SLC35H1: variants seen among roughly 807,000 people sequenced by gnomAD.
SLC35H1 encodes the protein ovarian cancer-overexpressed gene 1 protein.
At chr20:46,364,228 A>G in the SLC35H1 span, 1 of 152,266 alleles carries the variant, frequency 6.6e-6, no homozygotes, top group South Asian at 2.1e-4. Context: ...AGACGGCGAA[A>G]CTGAGGCCCG....
the SLC35H1 span, among the ~76,000 whole-genome samples, chr20:46,355,578 C>T: frequency 6.6e-6 from 1 of 152,176 alleles, no homozygotes; most frequent in Non-Finnish European, 1.5e-5. This position sits in a 1 kb window ranked among gnomAD's most constrained non-coding sequence, Gnocchi z 4.8. Context: ...TGCTGGGACC[C>T]TCATCCTGCA....
chr20:46,356,582 G>A, the SLC35H1 span: 14 of 1,614,078 alleles, frequency 8.7e-6, no homozygotes, highest in East Asian at 4.5e-5. Context: ...ACAGCGAGAC[G>A]GTGACATACA....
At chr20:46,350,898 C>A in the SLC35H1 span, 1 of 1,613,572 alleles carries the variant, frequency 6.2e-7, no homozygotes, top group Non-Finnish European at 8.5e-7. Flanking sequence ...TTCCTGGGGG[C>A]AGAGAAGCAG....
chr20:46,358,831 T>C, the SLC35H1 span: 2 of 1,034,324 alleles, frequency 1.9e-6, no homozygotes, highest in African/African-American at 1.6e-5. Context: ...CATGGGTGCC[T>C]CTGAAGGCTG....
At chr20:46,359,025 T>C in the SLC35H1 span, 1 of 486,548 alleles carries the variant, frequency 2.1e-6, no homozygotes, top group Non-Finnish European at 3.8e-6. Context: ...CCAGTGCTTT[T>C]CTGATAAAGA....
At chr20:46,363,296 T>A in the SLC35H1 span, 1 of 152,198 alleles carries the variant, frequency 6.6e-6, no homozygotes, top group South Asian at 2.1e-4. Flanking sequence ...CATAATCTCA[T>A]CCTACCCAAT....
chr20:46,357,779 T>C, the SLC35H1 span: 1 of 1,614,064 alleles, frequency 6.2e-7, no homozygotes, highest in African/African-American at 1.3e-5. Context: ...AAGCTCTGTA[T>C]GGAGCCCAAA....
At chr20:46,357,383 C>T in the SLC35H1 span, among the ~76,000 whole-genome samples, 3 of 152,228 alleles carry the variant, frequency 2.0e-5, no homozygotes, top group African/African-American at 7.2e-5. Flanking sequence ...GGAGAGGGAG[C>T]TGCGGGGCCG....
At chr20:46,353,188 C>A in the SLC35H1 span, 1 of 152,212 alleles carries the variant, frequency 6.6e-6, no homozygotes, top group African/African-American at 2.4e-5. Flanking sequence ...AGTTTCCTTA[C>A]TGATAAAATG....
chr20:46,355,234 GC>G, the SLC35H1 span: 1 of 1,613,178 alleles, frequency 6.2e-7, no homozygotes. The surrounding 1 kb of genome is among the most constrained non-coding windows in gnomAD (Gnocchi z 4.8). Flanking sequence ...CAGGACCAGT[GC>G]CGCGCGCTGG....
chr20:46,359,474 G>A, the SLC35H1 span, among the ~76,000 whole-genome samples: 1 of 152,222 alleles, frequency 6.6e-6, no homozygotes, highest in Non-Finnish European at 1.5e-5. Flanking sequence ...GACTGACAGA[G>A]AGCAGGCATG....
At chr20:46,357,645 G>A in the SLC35H1 span, 1 of 1,613,950 alleles carries the variant, frequency 6.2e-7, no homozygotes, top group Non-Finnish European at 8.5e-7. Flanking sequence ...CTCTTCTGAG[G>A]TAGTCGGCCC....
chr20:46,355,360 A>C, the SLC35H1 span: 2 of 1,135,282 alleles, frequency 1.8e-6, no homozygotes, highest in Non-Finnish European at 2.5e-6. This position sits in a 1 kb window ranked among gnomAD's most constrained non-coding sequence, Gnocchi z 4.8. Context: ...AAATCCTTCC[A>C]CCCTTCAGCT....
At chr20:46,362,879 G>A in the SLC35H1 span, among the ~76,000 whole-genome samples, 2 of 152,198 alleles carry the variant, frequency 1.3e-5, no homozygotes, top group Non-Finnish European at 2.9e-5. Flanking sequence ...TGATTCTCCC[G>A]CCTCAGGCTC....
the SLC35H1 span, chr20:46,357,702 CCTGGA>C: frequency 5.0e-6 from 8 of 1,614,170 alleles, no homozygotes; most frequent in Non-Finnish European, 6.8e-6. Context: ...GAACCAGCGC[CCTGGA>C]CAGGGCGGAG....
the SLC35H1 span, chr20:46,356,683 T>A: frequency 1.3e-6 from 2 of 1,578,440 alleles, no homozygotes; most frequent in Non-Finnish European, 1.7e-6. Flanking sequence ...AGGTCCACAC[T>A]CTGCTGGGGT....
chr20:46,350,802 C>T, the SLC35H1 span: 1 of 1,614,094 alleles, frequency 6.2e-7, no homozygotes, highest in East Asian at 2.2e-5. Context: ...GAGGGATATT[C>T]CCGAGAGGCA....
chr20:46,350,617 C>T, the SLC35H1 span: 2 of 1,514,352 alleles, frequency 1.3e-6, no homozygotes, highest in East Asian at 2.3e-5. Flanking sequence ...CAGGCCCCAC[C>T]CACCCACTCT....
chr20:46,355,342 G>A, the SLC35H1 span: 1 of 1,347,944 alleles, frequency 7.4e-7, no homozygotes, highest in Non-Finnish European at 1.0e-6. The surrounding 1 kb of genome is among the most constrained non-coding windows in gnomAD (Gnocchi z 4.8). Context: ...GGCTGCCCCT[G>A]GGGCAAGAAA....
Sources: gnomAD v4.1 joint callset for allele counts (sites outside exome capture counted in the v4.1 genomes callset) on GRCh38, gnomAD v4.1.1 for gene constraint, Gnocchi (gnomAD v3.1) non-coding constraint, MANE v1.5 for transcripts, NCBI Gene and HGNC (gene_info 2026-07-23, HGNC 2026-07-21) for gene names.